Variants in RFTN1 observed in about 807,000 individuals in gnomAD.
RFTN1 encodes the protein raftlin.
In RFTN1, 26 loss-of-function variants were observed where a neutral mutation model predicts 46.5. The ratio of observed to expected loss-of-function variants is 0.56; its 90% CI spans 0.41 to 0.78. RFTN1 has a LOEUF of 0.78. Among genes scored for constraint, RFTN1 ranks in the 30% least tolerant of loss-of-function variants. The pLI is 0.00. For missense variants in RFTN1, 693 were observed against 718.7 expected (o/e 0.96, Z 0.41); for synonymous variants, 261 against 284.2 (o/e 0.92, Z 0.82).
rs2076813948 is a variant in RFTN1 at position 16,506,756 on chromosome 3, T to A, written c.-9+6686A>T. Reference sequence around the variant, plus strand: ...CTCCACAGCTCTTGGTAATGCCTCATCTCCCTACATGACAGTAAATTTCTG... The same window carrying A: ...CTCCACAGCTCTTGGTAATGCCTCAACTCCCTACATGACAGTAAATTTCTG... On this transcript the variant is annotated intron_variant, in intron 1 of 9. Transcript: ENST00000334133. This position sits in a 1 kb window ranked among gnomAD's most constrained non-coding sequence, Gnocchi z 4.8. 6.6e-6 allele frequency among the ~76,000 whole-genome samples: 1 copy of A among 152,032 alleles called. No homozygotes were observed. The highest frequency in any genetic ancestry group is 1.5e-5 in the Non-Finnish European group (1 of 68,020).
chr3:16,496,156 C>T (rs1375492750), intron 1 of RFTN1, among the ~76,000 whole-genome samples: 1 of 152,244 alleles, frequency 6.6e-6, no homozygotes, highest in African/African-American at 2.4e-5. Flanking sequence ...TAAACCAGCT[C>T]TCCAAGAAAG....
rs2070752439 is a variant in RFTN1, at chr3:16,335,458, G to A, written c.1147-8582C>T. Among the ~76,000 whole-genome samples, 1 of 152,240 alleles carries A rather than the reference G, an allele frequency of 6.6e-6. No homozygotes were observed. Among genetic ancestry groups the A allele is most frequent in the Non-Finnish European group, 1.5e-5 (1 of 68,050 alleles). ...TAAAAAGGAACGAATCACGTCCTTT[G>A]TGGGGACATGGATGGAGCTGGAAGC... On this transcript the variant is annotated intron_variant, in intron 7 of 9. Coordinates refer to ENST00000334133, the MANE Select transcript of RFTN1 (RefSeq NM_015150.2). The surrounding 1 kb of genome is among the most constrained non-coding windows in gnomAD (Gnocchi z 4.7).
chr3:16,359,725 A>G (rs530257841), intron 6 of RFTN1, among the ~76,000 whole-genome samples: 15 of 152,348 alleles, frequency 9.8e-5, no homozygotes, highest in African/African-American at 3.6e-4. Flanking sequence ...TTGTTATGAC[A>G]GTCCTAGTAA....
chr3:16,332,913 G>A (rs1031299609), intron 7 of RFTN1, among the ~76,000 whole-genome samples: 6 of 152,158 alleles, frequency 3.9e-5, no homozygotes, highest in Non-Finnish European at 8.8e-5. Flanking sequence ...TGTGAACAGT[G>A]CATTAGTGAC....
rs758282020 is a variant in RFTN1 at position 16,433,173 on chromosome 3, G to GTT, written c.332+676_332+677dup. ...CTGCTCTCTCCATCCCATCCTCACT[G>GTT]TTTTTTTTTTTTAAAAAAATTAATA... is the stretch of plus-strand genomic sequence containing the variant. On this transcript the variant is annotated intron_variant, in intron 3 of 9. Transcript: ENST00000334133. The surrounding 1 kb of genome is among the most constrained non-coding windows in gnomAD (Gnocchi z 4.4). 6.8e-4 allele frequency among the ~76,000 whole-genome samples: 66 copies of GTT among 96,380 alleles called. No individual in the cohort carries two copies. The highest frequency in any genetic ancestry group is 2.8e-3 in the African/African-American group (53 of 19,182). The allele number at this position is 96,380 out of a possible 152,430, so 63.2% of individuals were successfully genotyped here. A position where few individuals can be genotyped will look rare whatever the true frequency, so the allele number is the denominator to read the frequency against.
chr3:16,431,442 A>G (rs1465078250), intron 3 of RFTN1, among the ~76,000 whole-genome samples: 2 of 151,978 alleles, frequency 1.3e-5, no homozygotes, highest in Non-Finnish European at 2.9e-5. Flanking sequence ...CTTTAACCAT[A>G]TCCCCAGGAG....
In RFTN1 at chr3:16,387,534, C is replaced by G. The variant is rs190693763; in HGVS notation, c.442-9432G>C. 2.4e-4 allele frequency among the ~76,000 whole-genome samples: 36 copies of G among 149,404 alleles called. No homozygotes were observed. The highest frequency in any genetic ancestry group is 8.0e-4 in the African/African-American group (32 of 39,974). On this transcript the variant is annotated intron_variant, in intron 4 of 9. Transcript: ENST00000334133. This position sits in a 1 kb window ranked among gnomAD's most constrained non-coding sequence, Gnocchi z 5.2. The stretch of plus-strand genomic sequence containing the variant: ...TTCTGGCACCCTGGAAGACCCAGCT[C>G]TACTTAGGACCACTTCTCTCTTCTA...
Position 16,335,392 on chromosome 3 carries a change from T to C in RFTN1, c.1147-8516A>G, listed in dbSNP as rs142221838. 2.5e-3 allele frequency among the ~76,000 whole-genome samples: 377 copies of C among 152,330 alleles called. 2 individuals are homozygous for C. The highest frequency in any genetic ancestry group is 8.5e-3 in the African/African-American group (353 of 41,558). On this transcript the variant is annotated intron_variant, in intron 7 of 9. Coordinates refer to ENST00000334133, the MANE Select transcript of RFTN1 (RefSeq NM_015150.2). The surrounding 1 kb of genome is among the most constrained non-coding windows in gnomAD (Gnocchi z 4.7). ...GAAACAGGCTTAAGAAGGGAGTTTG[T>C]ACCACATTTTCTTTATCCAGTCCAT...
chr3:16,317,157 C>T lies in RFTN1; in HGVS notation c.1408G>A (p.Asp470Asn). Reference protein sequence around the residue: ...RKSKGKLSARDKQQAEENEKN... With the variant: ...RKSKGKLSARNKQQAEENEKN... ...TCATTTTCTTCTGCTTGTTGTTTGT[C>T]TCTGGCACTGAGTTTACCTTTTGAT... The change falls in exon 10 of 10, where the codon GAC becomes AAC. Residue 470 changes from aspartate (D) to asparagine (N), a missense_variant. Asp to Asn is a conservative substitution (Grantham distance 23). Transcript: ENST00000334133. The surrounding 1 kb of genome is among the most constrained non-coding windows in gnomAD (Gnocchi z 4.3). 1 of 1,613,704 alleles carries T rather than the reference C, an allele frequency of 6.2e-7. No homozygotes were observed. The highest frequency in any genetic ancestry group is 8.5e-7 in the Non-Finnish European group (1 of 1,179,994).
chr3:16,453,325 A>G (rs181248588), intron 2 of RFTN1, among the ~76,000 whole-genome samples: 22 of 152,370 alleles, frequency 1.4e-4, no homozygotes, highest in African/African-American at 5.0e-4. Flanking sequence ...CAATTGGCTA[A>G]AGAGACATAG....
intron 3 of RFTN1, among the ~76,000 whole-genome samples, chr3:16,415,837 A>G (rs901192746): frequency 1.3e-5 from 2 of 152,180 alleles, no homozygotes; most frequent in African/African-American, 4.8e-5. Flanking sequence ...ATCCTCTTGA[A>G]ATCCCAAGAG....
At chr3:16,491,781 A>AC (rs201500993) in intron 2 of RFTN1, among the ~76,000 whole-genome samples, 10,324 of 151,768 alleles carry the variant, frequency 0.068, 495 homozygotes, top group Middle Eastern at 0.13. Flanking sequence ...AAACAAACAA[A>AC]AAAAAAAAAC....
rs1000700521 is a variant in RFTN1 at position 16,484,919 on chromosome 3, T to C, written c.145+8806A>G. 5 of 152,232 alleles carry C rather than the reference T, an allele frequency of 3.3e-5. No individual in the cohort carries two copies. The highest frequency in any genetic ancestry group is 1.2e-4 in the African/African-American group (5 of 41,460). The allele number at this position is 152,232 out of a possible 1,614,324, so 9.4% of individuals were successfully genotyped here. On this transcript the variant is annotated intron_variant, in intron 2 of 9. Transcript: ENST00000334133. The surrounding 1 kb of genome is among the most constrained non-coding windows in gnomAD (Gnocchi z 4.6). ...ACCTCATAAGATTGTTGTTAGTTTG[T>C]TTAGAAGAGATTAATACAACAGTAG... is the stretch of plus-strand genomic sequence containing the variant.
At chr3:16,371,328 C>G (rs897273824) in intron 5 of RFTN1, among the ~76,000 whole-genome samples, 9 of 152,336 alleles carry the variant, frequency 5.9e-5, no homozygotes, top group Middle Eastern at 3.4e-3. Flanking sequence ...TCTCAGATTT[C>G]AGTATCTCAC....
At chr3:16,391,882 G>GTTTTTTTTTTTTTT (rs1295347779) in intron 4 of RFTN1, among the ~76,000 whole-genome samples, 1 of 23,446 alleles carries the variant, frequency 4.3e-5, no homozygotes, top group Non-Finnish European at 8.5e-5. Flanking sequence ...TTTTTTTTTT[G>GTTTTTTTTTTTTTT]TTTTTTTTTT....
chr3:16,421,565 T>C lies in RFTN1; in HGVS notation c.333-12082A>G, dbSNP rs1032326782. 2.0e-5 allele frequency among the ~76,000 whole-genome samples: 3 copies of C among 152,076 alleles called. No individual in the cohort carries two copies. The highest frequency in any genetic ancestry group is 7.2e-5 in the African/African-American group (3 of 41,406). ...CAGGGTTTCACCATGTTGGCCAGGA[T>C]GGTCTCGATCCCTTGACTTCGTGAT... is the stretch of plus-strand genomic sequence containing the variant. On this transcript the variant is annotated intron_variant, in intron 3 of 9. Coordinates refer to ENST00000334133, the MANE Select transcript of RFTN1 (RefSeq NM_015150.2). The surrounding 1 kb of genome is among the most constrained non-coding windows in gnomAD (Gnocchi z 4.6).
chr3:16,510,187 C>G (rs545749831), intron 1 of RFTN1, among the ~76,000 whole-genome samples: 1 of 152,292 alleles, frequency 6.6e-6, no homozygotes, highest in Non-Finnish European at 1.5e-5. Context: ...TTAACAAAGC[C>G]AAATCTGACC....
chr3:16,482,807 C>T, intron 2 of RFTN1: 1 of 1,536,110 alleles, frequency 6.5e-7, no homozygotes, highest in South Asian at 1.2e-5. Context: ...CCCAGAGAGG[C>T]CAGGGAGGGC....
chr3:16,391,896 T>TTTTTTG (rs2074359824), intron 4 of RFTN1, among the ~76,000 whole-genome samples: 1 of 86,876 alleles, frequency 1.2e-5, no homozygotes, highest in Non-Finnish European at 2.3e-5. Context: ...TTTTTTTTGT[T>TTTTTTG]TTTTTTACGG....
Sources: allele counts gnomAD v4.1 joint callset (sites outside exome capture counted in the v4.1 genomes callset), GRCh38; gene constraint gnomAD v4.1.1; non-coding constraint Gnocchi (gnomAD v3.1); transcripts MANE v1.5; gene names NCBI Gene and HGNC (gene_info 2026-07-23, HGNC 2026-07-21).